RABGAP1L: variants seen among roughly 807,000 people sequenced by gnomAD.
The protein encoded by RABGAP1L is rab GTPase-activating protein 1-like.
Under a neutral mutation model 137.7 loss-of-function variants are expected in RABGAP1L, and 63 were observed. That is an observed-to-expected ratio of 0.46 (90% CI 0.37 to 0.56). The LOEUF is 0.56. Ranked by LOEUF, RABGAP1L falls within the 20% of genes least tolerant of loss-of-function variation. The pLI is 0.00. For synonymous variants in RABGAP1L, 431 were observed against 433.7 expected (o/e 0.99, Z 0.08); for missense variants, 1,095 against 1,244.0 (o/e 0.88, Z 1.80).
At chr1:174,892,896 ATTTTTTTTTTTTT>A (rs748971722) in intron 19 of RABGAP1L, among the ~76,000 whole-genome samples, 1 of 91,868 alleles carries the variant, frequency 1.1e-5, no homozygotes, top group Admixed American at 1.4e-4. Flanking sequence ...CACCCAGCTA[ATTTTTTTTTTTTT>A]TTTTTTTTTT....
At chr1:174,473,194 T>C (rs531513296) in intron 13 of RABGAP1L, among the ~76,000 whole-genome samples, 6 of 152,314 alleles carry the variant, frequency 3.9e-5, no homozygotes, top group African/African-American at 7.2e-5. Flanking sequence ...GTAAGAGTTA[T>C]ATACACAGTA....
At chr1:174,209,317 G>T (rs980341031) in intron 1 of RABGAP1L, among the ~76,000 whole-genome samples, 4 of 152,110 alleles carry the variant, frequency 2.6e-5, no homozygotes, top group African/African-American at 9.7e-5. Context: ...CCAGGCCTTG[G>T]CTCTTAGATG....
intron 5 of RABGAP1L, 54 bp downstream of exon 5, chr1:174,241,711 T>C: frequency 7.3e-7 from 1 of 1,375,812 alleles, no homozygotes; most frequent in Non-Finnish European, 9.9e-7. Flanking sequence ...GGGTAATATT[T>C]TTGAGCTCTA....
At chr1:174,456,868 T>C (rs1262408594) in intron 13 of RABGAP1L, among the ~76,000 whole-genome samples, 4 of 152,180 alleles carry the variant, frequency 2.6e-5, no homozygotes, top group Non-Finnish European at 5.9e-5. Flanking sequence ...GTTTGTAGGA[T>C]GAATCATTGC....
At chr1:174,850,203 C>G (rs554707398) in intron 19 of RABGAP1L, 1 of 351,112 alleles carries the variant, frequency 2.8e-6, no homozygotes, top group Non-Finnish European at 5.5e-6. Flanking sequence ...GTTTACGCCA[C>G]ACGTGGGAAC....
chr1:174,227,714 CTT>C (rs982936153), intron 3 of RABGAP1L, among the ~76,000 whole-genome samples: 12 of 152,062 alleles, frequency 7.9e-5, no homozygotes, highest in African/African-American at 2.9e-4. Flanking sequence ...TAACTCAAGT[CTT>C]TAACTCATTT....
intron 19 of RABGAP1L, among the ~76,000 whole-genome samples, chr1:174,883,236 G>T (rs1199479429): frequency 1.3e-5 from 2 of 152,198 alleles, no homozygotes; most frequent in Non-Finnish European, 2.9e-5. Context: ...AAAACTGAGA[G>T]ACATAATAGT....
chr1:174,978,830 G>A lies in RABGAP1L; in HGVS notation c.2673G>A (p.Gln891=), dbSNP rs1032071255. 6.5e-6 allele frequency: 10 copies of A among 1,543,576 alleles called. No homozygotes were observed. The highest frequency in any genetic ancestry group is 8.7e-6 in the Non-Finnish European group (10 of 1,144,778). ...TAQLKEVFRK[Q]LEKAEYEIKK... is the part of the protein sequence containing the mutation. ...AGCTAAAAGAAGTCTTCAGGAAACA[G>A]CTAGAGAAGGCAGAATATGAAATAA... is the stretch of plus-strand genomic sequence containing the variant. Residue 891 remains glutamine, a synonymous_variant, in exon 23 of 26, where the codon CAG becomes CAA. Transcript: ENST00000681986.
intron 19 of RABGAP1L, among the ~76,000 whole-genome samples, chr1:174,845,827 T>A (rs1341086327): frequency 2.3e-5 from 3 of 128,738 alleles, no homozygotes; most frequent in Non-Finnish European, 3.2e-5. Flanking sequence ...GTACCTCTGG[T>A]AGAATTCAGC....
At chr1:174,349,116 A>C (rs1170973424) in intron 11 of RABGAP1L, among the ~76,000 whole-genome samples, 15 of 79,936 alleles carry the variant, frequency 1.9e-4, no homozygotes, top group South Asian at 5.1e-4. Context: ...TGACACCCCC[A>C]CCTCCCGGAC....
intron 13 of RABGAP1L, among the ~76,000 whole-genome samples, chr1:174,474,268 ATTGT>A (rs907802467): frequency 2.0e-5 from 3 of 152,084 alleles, no homozygotes; most frequent in Non-Finnish European, 4.4e-5. Context: ...AATTTCTGAG[ATTGT>A]TTATTTCTTC....
intron 12 of RABGAP1L, among the ~76,000 whole-genome samples, chr1:174,380,980 T>A (rs1330484486): frequency 8.7e-5 from 10 of 114,514 alleles, no homozygotes; most frequent in African/African-American, 3.2e-4. Flanking sequence ...GAGATTCTGG[T>A]ATGTGGTGTC....
At chr1:174,348,566 A>C (rs111998949) in intron 11 of RABGAP1L, among the ~76,000 whole-genome samples, 27,560 of 139,026 alleles carry the variant, frequency 0.2, 2,608 homozygotes, top group Admixed American at 0.24. Context: ...TAAACAAGTG[A>C]ACAAAGGTCT....
intron 13 of RABGAP1L, among the ~76,000 whole-genome samples, chr1:174,631,945 G>A (rs61016348): frequency 0.11 from 10,596 of 95,772 alleles, 2,489 homozygotes; most frequent in African/African-American, 0.47. Flanking sequence ...TATGATGTTA[G>A]CTGGTGATTT....
At chr1:174,466,820 G>T (rs1432928824) in intron 13 of RABGAP1L, among the ~76,000 whole-genome samples, 1 of 152,058 alleles carries the variant, frequency 6.6e-6, no homozygotes, top group Non-Finnish European at 1.5e-5. Flanking sequence ...AAGCATAATG[G>T]TTTAGCCTGC....
intron 18 of RABGAP1L, among the ~76,000 whole-genome samples, chr1:174,782,109 A>G (rs1371643422): frequency 6.6e-6 from 1 of 152,148 alleles, no homozygotes; most frequent in African/African-American, 2.4e-5. Flanking sequence ...GAAGAAAGTC[A>G]TTGGTAGCTT....
intron 18 of RABGAP1L, among the ~76,000 whole-genome samples, chr1:174,780,665 C>A (rs938533110): frequency 3.3e-5 from 5 of 151,238 alleles, no homozygotes; most frequent in Admixed American, 1.3e-4. Flanking sequence ...GTGTGCTGCA[C>A]CCATTAACTC....
At chr1:174,263,962 T>C (rs1051040388) in intron 7 of RABGAP1L, among the ~76,000 whole-genome samples, 5 of 152,130 alleles carry the variant, frequency 3.3e-5, no homozygotes, top group African/African-American at 1.2e-4. Flanking sequence ...ATTGTTTAGT[T>C]ACTAATATTT....
intron 5 of RABGAP1L, among the ~76,000 whole-genome samples, chr1:174,249,477 A>G (rs962209683): frequency 2.6e-4 from 39 of 152,136 alleles, no homozygotes; most frequent in African/African-American, 8.4e-4. Flanking sequence ...AATTTCTTGT[A>G]TATTTTGAAG....
Sources: allele counts gnomAD v4.1 joint callset (sites outside exome capture counted in the v4.1 genomes callset), GRCh38; gene constraint gnomAD v4.1.1; transcripts MANE v1.5; gene names NCBI Gene and HGNC (gene_info 2026-07-23, HGNC 2026-07-21).